RASA1: variants seen among roughly 807,000 people sequenced by gnomAD.
RASA1 encodes the protein ras GTPase-activating protein 1.
In RASA1, 25 loss-of-function variants were observed where a neutral mutation model predicts 132.2. The ratio of observed to expected loss-of-function variants is 0.19; its 90% CI spans 0.14 to 0.26. RASA1 has a LOEUF of 0.26. Ranked by LOEUF, RASA1 falls within the 10% of genes least tolerant of loss-of-function variation. RASA1 has a pLI of 1.00. For synonymous variants in RASA1, 477 were observed against 449.9 expected, an observed-to-expected ratio of 1.06 and a Z score of -0.76; for missense variants, 964 against 1,299.2, an observed-to-expected ratio of 0.74 and a Z score of 3.97.
At chr5:87,273,807 C>T (rs146960829) in intron 1 of RASA1, among the ~76,000 whole-genome samples, 1,855 of 151,234 alleles carry the variant, frequency 0.012, 16 homozygotes, top group Non-Finnish European at 0.019. Context: ...AGGTGATTCT[C>T]CTGCCTCTGC....
At chr5:87,342,316 G>A (rs1290600622) in intron 6 of RASA1, among the ~76,000 whole-genome samples, 3 of 151,966 alleles carry the variant, frequency 2.0e-5, no homozygotes, top group Non-Finnish European at 4.4e-5. Context: ...ACAACACCAT[G>A]CTAGGCTGGT....
chr5:87,281,906 T>G (rs1463511452), intron 1 of RASA1, among the ~76,000 whole-genome samples: 1 of 152,226 alleles, frequency 6.6e-6, no homozygotes, highest in East Asian at 1.9e-4. Context: ...AGTTGAGTTT[T>G]TTTGTTTTCG....
In RASA1 at chr5:87,268,017, C is replaced by G. The variant is rs1408930451; in HGVS notation, c.-435C>G. 2 of 404,080 alleles carry G rather than the reference C, an allele frequency of 4.9e-6. No homozygotes were observed. Among genetic ancestry groups the G allele is most frequent in the East Asian group, 3.6e-5 (1 of 27,696 alleles). The allele number at this position is 404,080 out of a possible 1,614,324, so 25.0% of individuals were successfully genotyped here. A position where few individuals can be genotyped will look rare whatever the true frequency, so the allele number is the denominator to read the frequency against. On this transcript the variant is annotated 5_prime_UTR_variant, in exon 1 of 25. Coordinates refer to ENST00000274376, the MANE Select transcript of RASA1 (RefSeq NM_002890.3). ...GCTGCAGTGGCCCCAGCCTCAGCAG[C>G]GGCACCGGCGGTGGCTGCGGTGTGG...
At chr5:87,284,762 A>G (rs1042369252) in intron 1 of RASA1, among the ~76,000 whole-genome samples, 2 of 152,188 alleles carry the variant, frequency 1.3e-5, no homozygotes, top group Admixed American at 1.3e-4. Context: ...AATTTGGAAA[A>G]AAAGAACACA....
rs1475091639 is a variant in RASA1 at position 87,362,552 on chromosome 5, A to C, written c.1334A>C (p.Asp445Ala). The C allele has an allele frequency of 6.3e-7, 1 of 1,589,654 alleles. No homozygotes were observed. The highest frequency in any genetic ancestry group is 8.6e-7 in the Non-Finnish European group (1 of 1,158,376). ...ATTTTAATGTTTTTTAAAATTCAGG[A>C]TCAAGAACAAGTACTCAATGACACA... The part of the protein sequence containing the change: ...YYLKEPVPMQ[D>A]QEQVLNDTVD... Residue 445 changes from aspartate (D) to alanine (A), a missense_variant and splice_region_variant, in exon 10 of 25, where the codon GAT (aspartate) becomes GCT (alanine). Transcript: ENST00000274376.
intron 1 of RASA1, among the ~76,000 whole-genome samples, chr5:87,308,427 A>AT (rs903086129): frequency 5.9e-5 from 9 of 151,804 alleles, no homozygotes; most frequent in African/African-American, 2.2e-4. Flanking sequence ...TTTATTTTTT[A>AT]TTTTTTGTGT....
intron 1 of RASA1, among the ~76,000 whole-genome samples, chr5:87,273,783 C>T (rs1424462141): frequency 2.0e-5 from 3 of 151,392 alleles, no homozygotes; most frequent in African/African-American, 4.9e-5. Flanking sequence ...CTGCAACCTC[C>T]GCCTCCCGGA....
At chr5:87,295,903 A>C (rs1008746556) in intron 1 of RASA1, among the ~76,000 whole-genome samples, 4 of 150,148 alleles carry the variant, frequency 2.7e-5, no homozygotes, top group African/African-American at 9.8e-5. Flanking sequence ...AGCAACCTCC[A>C]CCTTCCATAT....
chr5:87,390,653 A>ATAAT lies in RASA1; in HGVS notation c.3061-146_3061-143dup, dbSNP rs567052024. 2.1e-3 allele frequency: 1,530 copies of ATAAT among 722,690 alleles called. 2 individuals carry two copies. The highest frequency in any genetic ancestry group is 3.0e-3 in the Non-Finnish European group (1,208 of 402,850). The allele number at this position is 722,690 out of a possible 1,614,324, so 44.8% of individuals were successfully genotyped here. On this transcript the variant is annotated intron_variant, in intron 24 of 24. Transcript: ENST00000274376. ...CCAGAAATACTCAGCCAATGACTGA[A>ATAAT]TAATAGAGACTTATGTTTTGAGGGG...
intron 1 of RASA1, among the ~76,000 whole-genome samples, chr5:87,313,784 C>T (rs879420725): frequency 8.5e-5 from 13 of 152,274 alleles, no homozygotes; most frequent in Middle Eastern, 3.4e-3. Flanking sequence ...TTAAGGTAGA[C>T]ACTGAAGAAT....
At chr5:87,335,398 G>A (rs1375339574) in intron 4 of RASA1, among the ~76,000 whole-genome samples, 1 of 149,752 alleles carries the variant, frequency 6.7e-6, no homozygotes, top group South Asian at 2.1e-4. Flanking sequence ...GATGAGATAG[G>A]TGAAGATAAT....
chr5:87,283,239 T>A (rs1754401724), intron 1 of RASA1, among the ~76,000 whole-genome samples: 1 of 151,830 alleles, frequency 6.6e-6, no homozygotes, highest in African/African-American at 2.4e-5. Context: ...TTCTATTTTT[T>A]AAATCTGTTT....
At chr5:87,334,034 G>A (rs1432939605) in intron 4 of RASA1, among the ~76,000 whole-genome samples, 1 of 152,178 alleles carries the variant, frequency 6.6e-6, no homozygotes, top group African/African-American at 2.4e-5. Context: ...TGTGTTTCAT[G>A]TAACTATGGG....
At chr5:87,273,340 CCT>C (rs553818354) in intron 1 of RASA1, among the ~76,000 whole-genome samples, 9 of 152,096 alleles carry the variant, frequency 5.9e-5, no homozygotes, top group African/African-American at 1.7e-4. Context: ...AAAAATTCTT[CCT>C]CTCTATTTCT....
At chr5:87,323,901 G>A (rs1757014752) in intron 1 of RASA1, among the ~76,000 whole-genome samples, 1 of 151,994 alleles carries the variant, frequency 6.6e-6, no homozygotes, top group South Asian at 2.1e-4. Context: ...GTATCCCTGT[G>A]TATCCTCCTA....
In RASA1 at chr5:87,391,504, A is replaced by C. The variant is rs1762513103; in HGVS notation, c.*621A>C. ...TATATAGAATGATCTATTGCTCATC[A>C]GCTTTATTTTTTAAACATACGACTT... On this transcript the variant is annotated 3_prime_UTR_variant, in exon 25 of 25. Coordinates refer to ENST00000274376, the MANE Select transcript of RASA1 (RefSeq NM_002890.3). 1 of 237,864 alleles carries C rather than the reference A, an allele frequency of 4.2e-6. No homozygotes were observed. Among genetic ancestry groups the C allele is most frequent in the Admixed American group, 5.2e-5 (1 of 19,134 alleles). 14.7% of individuals were successfully genotyped at this position (237,864 alleles called of 1,614,324 possible). A position where few individuals can be genotyped will look rare whatever the true frequency, so the allele number is the denominator to read the frequency against.
intron 8 of RASA1, among the ~76,000 whole-genome samples, chr5:87,350,343 G>A (rs1759171432): frequency 6.6e-6 from 1 of 151,678 alleles, no homozygotes; most frequent in African/African-American, 2.4e-5. Flanking sequence ...TGAAAATACA[G>A]CTAGCTGCAA....
rs144623722 is a variant in RASA1, at chr5:87,352,478, T to C, written c.1254-679T>C. ...GACAATAGAATGATCTTACTGATTATAGAGAAACAACTTTATATTTAAAAA... is the reference window on the plus strand; with the variant it reads ...GACAATAGAATGATCTTACTGATTACAGAGAAACAACTTTATATTTAAAAA... On this transcript the variant is annotated intron_variant, in intron 8 of 24. Transcript: ENST00000274376. Among the ~76,000 whole-genome samples the C allele has an allele frequency of 5.3e-5, 8 of 151,902 alleles. No homozygotes were observed. In the East Asian group the frequency reaches 1.5e-3, roughly 29 times the overall value.
At chr5:87,361,864 G>A (rs1005211820) in intron 9 of RASA1, among the ~76,000 whole-genome samples, 1 of 151,978 alleles carries the variant, frequency 6.6e-6, no homozygotes, top group African/African-American at 2.4e-5. Context: ...TAAGAAATAT[G>A]TACATCCTAC....
Sources: allele counts gnomAD v4.1 joint callset (sites outside exome capture counted in the v4.1 genomes callset), GRCh38; gene constraint gnomAD v4.1.1; transcripts MANE v1.5; gene names NCBI Gene and HGNC (gene_info 2026-07-23, HGNC 2026-07-21).